Variants in PCMT1 observed in about 807,000 individuals in gnomAD.
The protein encoded by PCMT1 is protein-L-isoaspartate(D-aspartate) O-methyltransferase.
A neutral mutation model predicts 29.2 loss-of-function variants in PCMT1; 9 were observed. That is an observed-to-expected ratio of 0.31 (90% CI 0.19 to 0.54). PCMT1 has a LOEUF of 0.54. Ranked by LOEUF, PCMT1 falls within the 20% of genes least tolerant of loss-of-function variation. The probability of loss-of-function intolerance (pLI) is 0.95; values close to 1 mark genes in which losing one functional copy is unlikely to be tolerated. For missense variants in PCMT1, 184 were observed against 282.2 expected (o/e 0.65, Z 2.49); for synonymous variants, 98 against 97.5 (o/e 1.00, Z -0.03).
chr6:149,786,026 C>G (rs1231978573), intron 3 of PCMT1, among the ~76,000 whole-genome samples: 1 of 147,986 alleles, frequency 6.8e-6, no homozygotes, highest in East Asian at 2.1e-4. Flanking sequence ...GGCGGCTGGC[C>G]GGGCGGGGGG....
rs981026441 is a variant in PCMT1, at chr6:149,758,131, G to A, written c.55+8175G>A. 4.7e-5 allele frequency among the ~76,000 whole-genome samples: 7 copies of A among 150,302 alleles called. No individual in the cohort carries two copies. The South Asian group carries it at 8.4e-4, about 18-fold the overall frequency. ...ACTCCTGACCTCAAGTGATCCACCCGACTTGGCCTCCCAAAGTGCTAGGAT... is the reference window on the plus strand; with the variant it reads ...ACTCCTGACCTCAAGTGATCCACCCAACTTGGCCTCCCAAAGTGCTAGGAT... On this transcript the variant is annotated intron_variant, in intron 1 of 7. Coordinates refer to ENST00000464889, the MANE Select transcript of PCMT1 (RefSeq NM_001360452.2).
At chr6:149,798,168 CAAA>C (rs1479536930) in intron 6 of PCMT1, 5 of 67,682 alleles carry the variant, frequency 7.4e-5, no homozygotes, top group Non-Finnish European at 9.4e-5. Flanking sequence ...GACCCTGTCT[CAAA>C]AAAAAAAAAA....
chr6:149,769,479 A>G (rs1470561180), intron 1 of PCMT1, among the ~76,000 whole-genome samples: 3 of 151,030 alleles, frequency 2.0e-5, no homozygotes, highest in Non-Finnish European at 4.4e-5. Flanking sequence ...ACACCTGGCT[A>G]ATTTTTGTAT....
At chr6:149,796,628 T>C in intron 6 of PCMT1, 128 bp downstream of exon 6, 1 of 605,550 alleles carries the variant, frequency 1.7e-6, no homozygotes, top group South Asian at 2.5e-5. Flanking sequence ...TTGGTTACAT[T>C]TAGCTGTTAC....
intron 1 of PCMT1, among the ~76,000 whole-genome samples, chr6:149,752,169 G>A (rs1449595547): frequency 6.7e-6 from 1 of 149,900 alleles, no homozygotes; most frequent in East Asian, 2.0e-4. Flanking sequence ...GTGAGCCACC[G>A]CACCTGGCCA....
intron 1 of PCMT1, 50 bp from the exon 2 acceptor site, chr6:149,771,112 T>C (rs370470455): frequency 9.4e-7 from 1 of 1,063,352 alleles, no homozygotes; most frequent in Non-Finnish European, 1.5e-6. Context: ...TTCTAAAATA[T>C]CTCTGATCAT....
chr6:149,764,592 T>C (rs566461959), intron 1 of PCMT1, among the ~76,000 whole-genome samples: 2 of 152,060 alleles, frequency 1.3e-5, no homozygotes, highest in East Asian at 3.9e-4. Context: ...TTTTAAAAAT[T>C]AGCCGAGTGT....
intron 6 of PCMT1, among the ~76,000 whole-genome samples, chr6:149,801,433 T>C (rs894949571): frequency 6.6e-6 from 1 of 152,160 alleles, no homozygotes; most frequent in African/African-American, 2.4e-5. Flanking sequence ...AGATTATTGA[T>C]GCTCAACCTG....
intron 3 of PCMT1, among the ~76,000 whole-genome samples, chr6:149,774,055 A>G (rs1241901003): frequency 6.6e-6 from 1 of 151,502 alleles, no homozygotes; most frequent in Admixed American, 6.6e-5. Flanking sequence ...TGGTATAATC[A>G]TCACAGCTCA....
In PCMT1 at chr6:149,803,658, C is replaced by A. The variant is rs144080938; in HGVS notation, c.*37+1242C>A. Among the ~76,000 whole-genome samples the A allele has an allele frequency of 1.4e-3, 219 of 151,940 alleles. 1 individual carries two copies. Among genetic ancestry groups the A allele is most frequent in the African/African-American group, 5.2e-3 (214 of 41,470 alleles). On this transcript the variant is annotated intron_variant, in intron 7 of 7. Transcript: ENST00000464889. ...GTCTTAGCATCTTATTTTTATTTGACATAAAGATTCTTATTTTAAAATAAT... is the reference window on the plus strand; with the variant it reads ...GTCTTAGCATCTTATTTTTATTTGAAATAAAGATTCTTATTTTAAAATAAT...
At chr6:149,765,938 C>G (rs1787063036) in intron 1 of PCMT1, among the ~76,000 whole-genome samples, 1 of 150,928 alleles carries the variant, frequency 6.6e-6, no homozygotes, top group Non-Finnish European at 1.5e-5. Context: ...TGAACTCCAG[C>G]CTGGGCAACA....
chr6:149,791,682 G>T (rs908327682), intron 4 of PCMT1, among the ~76,000 whole-genome samples: 9 of 152,042 alleles, frequency 5.9e-5, no homozygotes, highest in Non-Finnish European at 1.3e-4. Flanking sequence ...ACATAATAAG[G>T]ACTCATATTT....
chr6:149,782,238 T>C (rs1336614315), intron 3 of PCMT1, among the ~76,000 whole-genome samples: 1 of 152,164 alleles, frequency 6.6e-6, no homozygotes, highest in African/African-American at 2.4e-5. Flanking sequence ...GGGTAAAATA[T>C]TTTTAATTGT....
intron 3 of PCMT1, among the ~76,000 whole-genome samples, chr6:149,778,035 C>G (rs2115271330): frequency 6.6e-6 from 1 of 151,754 alleles, no homozygotes; most frequent in Admixed American, 6.6e-5. Flanking sequence ...CACCACCAAG[C>G]CTGGCTAATT....
intron 1 of PCMT1, among the ~76,000 whole-genome samples, chr6:149,769,266 G>A (rs1183407988): frequency 2.1e-5 from 3 of 145,982 alleles, no homozygotes; most frequent in African/African-American, 7.7e-5. Flanking sequence ...GATATTGGTA[G>A]TGGGGAGGAA....
intron 3 of PCMT1, among the ~76,000 whole-genome samples, chr6:149,774,366 A>G (rs1391251578): frequency 6.6e-6 from 1 of 150,532 alleles, no homozygotes; most frequent in Non-Finnish European, 1.5e-5. Flanking sequence ...CAGCCTCCTG[A>G]GTAACTAGCA....
intron 1 of PCMT1, among the ~76,000 whole-genome samples, chr6:149,761,609 A>G (rs1786743730): frequency 1.3e-5 from 2 of 152,134 alleles, no homozygotes; most frequent in South Asian, 2.1e-4. Flanking sequence ...ATATAGTTAT[A>G]TCATAGTTTT....
At chr6:149,764,678 TATA>T (rs1786997435) in intron 1 of PCMT1, among the ~76,000 whole-genome samples, 1 of 152,100 alleles carries the variant, frequency 6.6e-6, no homozygotes, top group African/African-American at 2.4e-5. Context: ...AGTCTGAGGT[TATA>T]ATAAACTATG....
chr6:149,753,580 C>T (rs1786412013), intron 1 of PCMT1, among the ~76,000 whole-genome samples: 2 of 152,208 alleles, frequency 1.3e-5, no homozygotes, highest in Non-Finnish European at 2.9e-5. Flanking sequence ...ATCTGCCTGC[C>T]TCAGCCTCCC....
Sources: allele counts gnomAD v4.1 joint callset (sites outside exome capture counted in the v4.1 genomes callset), GRCh38; gene constraint gnomAD v4.1.1; transcripts MANE v1.5; gene names NCBI Gene and HGNC (gene_info 2026-07-23, HGNC 2026-07-21).